The following CACNA1A variants were observed in gnomAD, a reference collection of about 807,000 sequenced individuals.
The protein encoded by CACNA1A is voltage-dependent P/Q-type calcium channel subunit alpha-1A.
In CACNA1A, 57 loss-of-function variants were observed where a neutral mutation model predicts 262.4. The ratio of observed to expected loss-of-function variants is 0.22; its 90% CI spans 0.18 to 0.27. The LOEUF (loss-of-function observed/expected upper bound fraction) is 0.27. CACNA1A is among the 10% of genes least tolerant of loss of function. The pLI, the probability that CACNA1A is intolerant of heterozygous loss-of-function variation, is 1.00. For synonymous variants in CACNA1A, 1,431 were observed against 1,419.3 expected (o/e 1.01, Z -0.18); for missense variants, 2,526 against 3,562.8 (o/e 0.71, Z 7.41).
At chr19:13,428,598 G>A (rs747676973) in intron 3 of CACNA1A, among the ~76,000 whole-genome samples, 6 of 152,164 alleles carry the variant, frequency 3.9e-5, no homozygotes, top group Non-Finnish European at 8.8e-5. Context: ...TCAAAACAAC[G>A]CTGAGACAGG....
chr19:13,276,010 G>A (rs1023078213), intron 23 of CACNA1A, 54 bp from the exon 24 acceptor site: 3 of 1,214,158 alleles, frequency 2.5e-6, no homozygotes, highest in Middle Eastern at 1.9e-4. Context: ...CCACCCTGGG[G>A]TGCTGCCACC....
At chr19:13,500,483 C>T (rs958001497) in intron 1 of CACNA1A, among the ~76,000 whole-genome samples, 4 of 152,226 alleles carry the variant, frequency 2.6e-5, no homozygotes, top group Admixed American at 6.5e-5. Flanking sequence ...AACACTATTA[C>T]TTCCACTCCT....
chr19:13,488,649 C>T (rs1980352763), intron 1 of CACNA1A, among the ~76,000 whole-genome samples: 1 of 151,988 alleles, frequency 6.6e-6, no homozygotes, highest in African/African-American at 2.4e-5. Flanking sequence ...ATCCACCCGC[C>T]TTGGCCTCTT....
At chr19:13,365,563 G>A (rs1017277580) in intron 4 of CACNA1A, 94 bp from the exon 5 acceptor site, 1 of 1,169,150 alleles carries the variant, frequency 8.6e-7, no homozygotes, top group African/African-American at 1.6e-5. Flanking sequence ...GACAAAGCAG[G>A]TGTGTTCCTG....
chr19:13,395,573 C>T (rs1423770776), intron 3 of CACNA1A, among the ~76,000 whole-genome samples: 1 of 150,536 alleles, frequency 6.6e-6, no homozygotes, highest in Non-Finnish European at 1.5e-5. Context: ...GATTGTGCCA[C>T]TGTACTCTAG....
chr19:13,300,485 C>G, intron 18 of CACNA1A, 65 bp downstream of exon 18: 3 of 1,156,480 alleles, frequency 2.6e-6, no homozygotes, highest in Non-Finnish European at 3.9e-6. Flanking sequence ...CTTCCCAAAT[C>G]TGTGCCTGGG....
chr19:13,280,163 G>A (rs1274585329), intron 22 of CACNA1A, among the ~76,000 whole-genome samples: 1 of 148,096 alleles, frequency 6.8e-6, no homozygotes, highest in African/African-American at 2.5e-5. Flanking sequence ...CTTCGCTTTT[G>A]GTTTATACCC....
chr19:13,489,137 G>A (rs577554332), intron 1 of CACNA1A, among the ~76,000 whole-genome samples: 49 of 147,230 alleles, frequency 3.3e-4, no homozygotes, highest in African/African-American at 1.1e-3. Context: ...TCAGTCTCCC[G>A]AGTAGCTGGG....
chr19:13,307,687 A>G (rs1005885736), intron 15 of CACNA1A, 95 bp downstream of exon 15: 1 of 955,544 alleles, frequency 1.0e-6, no homozygotes, highest in African/African-American at 1.6e-5. Context: ...CAGGTAGAGA[A>G]GGAGGAGTTC....
At chr19:13,390,632 G>C (rs990986031) in intron 3 of CACNA1A, among the ~76,000 whole-genome samples, 5 of 152,034 alleles carry the variant, frequency 3.3e-5, no homozygotes. Context: ...ATAACAAACA[G>C]CAGTTAGAAG....
intron 38 of CACNA1A, among the ~76,000 whole-genome samples, chr19:13,223,955 C>G (rs1014460421): frequency 1.3e-5 from 2 of 152,046 alleles, no homozygotes; most frequent in African/African-American, 4.8e-5. Context: ...TGCTTGAGCC[C>G]AGGAGTTTGA....
In CACNA1A at chr19:13,236,883, T is replaced by C. The variant is rs1006316917; in HGVS notation, c.4951-1153A>G. On this transcript the variant is annotated intron_variant, in intron 31 of 46. Transcript: ENST00000360228. This position sits in a 1 kb window ranked among gnomAD's most constrained non-coding sequence, Gnocchi z 4.6. ...TAGAGTTAAGTGGCCATTGTGGGGC[T>C]TCAAGGGACCTTGGTGGGGGGGGTG... is the stretch of plus-strand genomic sequence containing the variant. Among the ~76,000 whole-genome samples the C allele has an allele frequency of 1.3e-5, 2 of 152,132 alleles. No individual in the cohort carries two copies. The highest frequency in any genetic ancestry group is 4.8e-5 in the African/African-American group (2 of 41,414).
At chr19:13,463,910 GT>G (rs1300586188) in intron 1 of CACNA1A, among the ~76,000 whole-genome samples, 1 of 152,170 alleles carries the variant, frequency 6.6e-6, no homozygotes, top group Non-Finnish European at 1.5e-5. Context: ...GGGCAAGGCA[GT>G]TTCCTTCTCT....
chr19:13,447,699 T>C (rs909739216), intron 3 of CACNA1A, among the ~76,000 whole-genome samples: 1 of 152,124 alleles, frequency 6.6e-6, no homozygotes, highest in African/African-American at 2.4e-5. Context: ...GCCTGAGAGC[T>C]CCTGGCTAAC....
chr19:13,324,647 C>A (rs2058317800), intron 10 of CACNA1A, among the ~76,000 whole-genome samples: 2 of 152,150 alleles, frequency 1.3e-5, no homozygotes, highest in Admixed American at 6.5e-5. Flanking sequence ...GCAGGAGGAT[C>A]ACTTGAGGCC....
At chr19:13,461,946 A>G (rs1036486120) in intron 1 of CACNA1A, among the ~76,000 whole-genome samples, 13 of 152,142 alleles carry the variant, frequency 8.5e-5, no homozygotes, top group African/African-American at 2.7e-4. Context: ...TCTATACACA[A>G]TGAAATTGAT....
chr19:13,311,619 C>T (rs967629821), intron 12 of CACNA1A, among the ~76,000 whole-genome samples: 4 of 152,236 alleles, frequency 2.6e-5, no homozygotes, highest in South Asian at 2.1e-4. Flanking sequence ...GGGTGGATCA[C>T]GAGGTCAGGA....
At chr19:13,472,020 G>A (rs1978285942) in intron 1 of CACNA1A, among the ~76,000 whole-genome samples, 1 of 152,106 alleles carries the variant, frequency 6.6e-6, no homozygotes, top group East Asian at 1.9e-4. Context: ...TAGAGTGCAG[G>A]GGCACAATCA....
At chr19:13,226,483 G>GATGGGAGA (rs2055453754) in intron 37 of CACNA1A, 1 of 152,442 alleles carries the variant, frequency 6.6e-6, no homozygotes, top group African/African-American at 2.4e-5. Context: ...GATCAAGGTG[G>GATGGGAGA]ATGGGAGAAT....
Sources: allele counts gnomAD v4.1 joint callset (sites outside exome capture counted in the v4.1 genomes callset), GRCh38; gene constraint gnomAD v4.1.1; non-coding constraint Gnocchi (gnomAD v3.1); transcripts MANE v1.5; gene names NCBI Gene and HGNC (gene_info 2026-07-23, HGNC 2026-07-21).